XIST: variants seen among roughly 807,000 people sequenced by gnomAD.
XIST encodes the protein X inactive specific transcript (non-protein coding).
At chrX:73,844,330 T>C (rs775718946) in exon 1 of XIST, 2 of 558,408 alleles carry the variant, frequency 3.6e-6, no homozygotes, top group Non-Finnish European at 6.5e-6. Context: ...TGGACAAATA[T>C]AAGAATCTTA....
exon 4 of XIST, chrX:73,831,198 C>T: frequency 1.8e-6 from 1 of 554,926 alleles, no homozygotes; most frequent in East Asian, 3.3e-5. Flanking sequence ...CCTCATGCCC[C>T]ATCTCCACCT....
In XIST at chrX:73,827,208, A is replaced by G. The variant is rs776981994; in HGVS notation, n.12693T>C. On this transcript the variant is annotated non_coding_transcript_exon_variant, in exon 6 of 6. Coordinates refer to ENST00000429829, the Ensembl canonical transcript of XIST. ...TCTCACATGGCAGCCTGGCATAAGG[A>G]ACCGCTCCACAATGCTTGCTCTGAT... is the stretch of plus-strand genomic sequence containing the variant. The G allele has an allele frequency of 9.0e-6, 5 of 556,614 alleles. No homozygotes were observed. In the East Asian group the frequency reaches 1.6e-4, roughly 18 times the overall value. The allele number at this position is 556,614 out of a possible 1,213,427, so 45.9% of individuals were successfully genotyped here.
At chrX:73,838,377 ACTAGAAGACT>A (rs1217127540) in intron 1 of XIST, among the ~76,000 whole-genome samples, 1 of 111,297 alleles carries the variant, frequency 9.0e-6, no homozygotes, top group African/African-American at 3.3e-5. Flanking sequence ...TTCCGGGAAC[ACTAGAAGACT>A]AGCATTCTAA....
At chrX:73,847,730 G>A in exon 1 of XIST, 3 of 555,693 alleles carry the variant, frequency 5.4e-6, no homozygotes, top group South Asian at 2.2e-5. Context: ...TAAGAGTCAT[G>A]GATAATTAGA....
chrX:73,830,490 A>C (rs1290631255), intron 4 of XIST, among the ~76,000 whole-genome samples: 2 of 112,043 alleles, frequency 1.8e-5, no homozygotes, highest in Admixed American at 1.9e-4. Context: ...CCCAACACTG[A>C]CCTAGAGAAT....
chrX:73,828,085 G>A, intron 5 of XIST: 1 of 434,218 alleles, frequency 2.3e-6, no homozygotes, highest in African/African-American at 2.6e-5. Flanking sequence ...AAGCATCACA[G>A]AAAGATAAAA....
At chrX:73,840,899 G>A (rs1416551239) in intron 1 of XIST, among the ~76,000 whole-genome samples, 3 of 111,667 alleles carry the variant, frequency 2.7e-5, no homozygotes, top group Non-Finnish European at 5.7e-5. Context: ...CTATCCAGAT[G>A]GCTGCAATAT....
exon 1 of XIST, chrX:73,851,743 T>C (rs780791601): frequency 3.6e-6 from 2 of 559,166 alleles, no homozygotes. Context: ...CCTGACCTGC[T>C]ATCATCCATC....
At chrX:73,852,361 A>T in exon 1 of XIST, 1 of 545,173 alleles carries the variant, frequency 1.8e-6, no homozygotes, top group Non-Finnish European at 3.3e-6. Flanking sequence ...TAATAAAACC[A>T]GGTATCCGCA....
At chrX:73,842,912 C>T in exon 1 of XIST, 1 of 558,357 alleles carries the variant, frequency 1.8e-6, no homozygotes, top group Non-Finnish European at 3.2e-6. Flanking sequence ...GCCAAGGGCA[C>T]ACAAGGGGCA....
At chrX:73,846,170 C>T (rs764237732) in exon 1 of XIST, 9 of 554,322 alleles carry the variant, frequency 1.6e-5, no homozygotes, top group South Asian at 6.7e-5. Context: ...CATAATCACA[C>T]GCATACCAGG....
At chrX:73,841,470 C>T (rs1381979251) in exon 1 of XIST, 2 of 558,005 alleles carry the variant, frequency 3.6e-6, no homozygotes, top group Non-Finnish European at 6.5e-6. Flanking sequence ...GATCTTTTGA[C>T]ATCCTTCTCC....
At chrX:73,852,098 G>T in exon 1 of XIST, 1 of 499,860 alleles carries the variant, frequency 2.0e-6, no homozygotes, top group Non-Finnish European at 3.5e-6. Flanking sequence ...CGATGGGCAA[G>T]GAAAAATAAA....
At chrX:73,851,771 C>T (rs761948833) in exon 1 of XIST, 5 of 557,043 alleles carry the variant, frequency 9.0e-6, no homozygotes, top group Middle Eastern at 3.1e-4. Context: ...CCTAGTTTAA[C>T]TTAGCACAAA....
At chrX:73,826,606 A>C in exon 6 of XIST, 1 of 559,422 alleles carries the variant, frequency 1.8e-6, no homozygotes, top group South Asian at 2.2e-5. Context: ...TCTAAGAGTA[A>C]GAAGTGTAAA....
At chrX:73,841,962 C>T in exon 1 of XIST, 1 of 539,334 alleles carries the variant, frequency 1.9e-6, no homozygotes, top group Non-Finnish European at 3.3e-6. Flanking sequence ...TGGTAAAGCC[C>T]ACACAAAGAT....
exon 6 of XIST, chrX:73,824,664 T>G: frequency 5.4e-6 from 3 of 557,262 alleles, no homozygotes; most frequent in Non-Finnish European, 6.5e-6. Flanking sequence ...AGCATCAAAT[T>G]TTTCATTTAC....
chrX:73,822,023 T>C (rs377206766), exon 6 of XIST: 1 of 557,069 alleles, frequency 1.8e-6, no homozygotes, highest in African/African-American at 2.2e-5. Context: ...TTAGGCAGTG[T>C]ATGTATGTGT....
exon 1 of XIST, chrX:73,852,157 T>A (rs770134998): frequency 3.2e-5 from 16 of 505,808 alleles, no homozygotes; most frequent in Non-Finnish European, 3.8e-5. Context: ...AAAAAGAAAA[T>A]TTTTAAAAAG....
Sources: allele counts gnomAD v4.1 joint callset (sites outside exome capture counted in the v4.1 genomes callset), GRCh38; gene constraint gnomAD v4.1.1; transcripts MANE v1.5; gene names NCBI Gene and HGNC (gene_info 2026-07-23, HGNC 2026-07-21).